The following ZNF808 variants were observed in gnomAD, a reference collection of about 807,000 sequenced individuals.
ZNF808 encodes the protein zinc finger protein 808.
A neutral mutation model predicts 8.7 loss-of-function variants in ZNF808; 5 were observed. The observed-to-expected ratio is 0.58, with a 90% CI of 0.30 to 1.21. ZNF808 has a LOEUF of 1.21. Ranked by LOEUF, ZNF808 falls within the 50% of genes most tolerant of loss-of-function variation. ZNF808 has a pLI of 0.07. For missense variants in ZNF808, 1,103 were observed against 1,098.4 expected, an observed-to-expected ratio of 1.00 and a Z score of -0.06; for synonymous variants, 380 against 366.0, an observed-to-expected ratio of 1.04 and a Z score of -0.44.
chr19:52,547,509 T>C lies in ZNF808; in HGVS notation c.64-3T>C, dbSNP rs1287981013. ...TTTTGTTGAAATGTATGTTTCATTT[T>C]AGGGACGCTTGACTTTCAGGGATGT... On this transcript the variant is annotated splice_region_variant and splice_polypyrimidine_tract_variant and intron_variant, in intron 3 of 4. Transcript: ENST00000359798. 2 of 1,613,738 alleles carry C rather than the reference T, an allele frequency of 1.2e-6. No individual in the cohort carries two copies. Among genetic ancestry groups the C allele is most frequent in the Admixed American group, 1.7e-5 (1 of 59,902 alleles).
At position 52,555,822 on chromosome 19, in the gene ZNF808, G is replaced by T. The variant is rs1277808319; in HGVS notation, c.*194G>T. 3 of 864,246 alleles carry T rather than the reference G, an allele frequency of 3.5e-6. No homozygotes were observed. In the Admixed American group the frequency reaches 5.9e-5, roughly 17 times the overall value. The allele number at this position is 864,246 out of a possible 1,614,324, so 53.5% of individuals were successfully genotyped here. ...TGTCATGATTGAGGCAAGGTCTTCA[G>T]TCAAGCTTCATCCTATGCAAAACAG... On this transcript the variant is annotated 3_prime_UTR_variant, in exon 5 of 5. Transcript: ENST00000359798.
At chr19:52,551,785 T>C (rs1238837617) in intron 4 of ZNF808, among the ~76,000 whole-genome samples, 1 of 134,390 alleles carries the variant, frequency 7.4e-6, no homozygotes, top group Admixed American at 7.4e-5. Context: ...GGTGGATTAC[T>C]TAAGGTCAGG....
At chr19:52,549,406 G>C (rs529230037) in intron 4 of ZNF808, among the ~76,000 whole-genome samples, 31 of 152,216 alleles carry the variant, frequency 2.0e-4, no homozygotes, top group African/African-American at 6.7e-4. Flanking sequence ...ATCTACACAG[G>C]GGATATTGTT....
intron 2 of ZNF808, among the ~76,000 whole-genome samples, chr19:52,541,046 G>C (rs1364666481): frequency 1.3e-5 from 2 of 152,060 alleles, no homozygotes; most frequent in African/African-American, 4.8e-5. Context: ...CTACCTCCTG[G>C]GTTCAAGCAA....
intron 2 of ZNF808, among the ~76,000 whole-genome samples, chr19:52,535,300 C>T (rs915868397): frequency 7.4e-6 from 1 of 135,976 alleles, no homozygotes; most frequent in African/African-American, 2.8e-5. Flanking sequence ...CACTGCACTC[C>T]AGCCTGGGTG....
At chr19:52,561,158 T>TTCTTTC (rs1320869032), downstream of ZNF808, among the ~76,000 whole-genome samples, 5 of 52,692 alleles carry the variant, frequency 9.5e-5, no homozygotes, top group African/African-American at 6.1e-4. Flanking sequence ...CTTCTATCTG[T>TTCTTTC]TCTCTCTCTC....
intron 2 of ZNF808, among the ~76,000 whole-genome samples, chr19:52,538,269 G>A (rs1568480847): frequency 7.0e-6 from 1 of 142,590 alleles, no homozygotes; most frequent in Non-Finnish European, 1.5e-5. Context: ...AGGTTCCCCC[G>A]TCTTGGCCTT....
At chr19:52,530,897 C>T (rs541608727) in intron 1 of ZNF808, among the ~76,000 whole-genome samples, 30 of 151,594 alleles carry the variant, frequency 2.0e-4, no homozygotes, top group Admixed American at 1.8e-3. Context: ...TACTTGGACC[C>T]GGCTGGGAGG....
chr19:52,567,412 T>G (rs1254961207), downstream of ZNF808, among the ~76,000 whole-genome samples: 1 of 147,162 alleles, frequency 6.8e-6, no homozygotes, highest in Non-Finnish European at 1.5e-5. Context: ...TAACTGGTAG[T>G]TTTCTTTTTT....
In ZNF808 at chr19:52,555,036, A is replaced by G; in HGVS notation, c.2120A>G (p.Tyr707Cys). 6.2e-7 allele frequency: 1 copy of G among 1,614,072 alleles called. No individual in the cohort carries two copies. The highest frequency in any genetic ancestry group is 1.1e-5 in the South Asian group (1 of 91,074). The change falls in exon 5 of 5, where the codon TAC (tyrosine) becomes TGC (cysteine). Residue 707 changes from tyrosine to cysteine, a missense_variant. By Grantham distance (194) the Tyr-to-Cys change is radical. Transcript: ENST00000359798. ...HTRIHSGMKPYKCNECSKTFS... is the reference protein window; with the variant it reads ...HTRIHSGMKPCKCNECSKTFS... ...AGAATTCACAGTGGAATGAAACCTT[A>G]CAAGTGTAATGAGTGCAGCAAGACC...
intron 1 of ZNF808, among the ~76,000 whole-genome samples, chr19:52,531,614 A>G (rs79452611): frequency 0.018 from 2,785 of 152,266 alleles, 78 homozygotes; most frequent in African/African-American, 0.064. Context: ...AACTCTGAAC[A>G]TCGCTTTTGG....
At chr19:52,535,744 T>C (rs1009247302) in intron 2 of ZNF808, among the ~76,000 whole-genome samples, 1 of 152,216 alleles carries the variant, frequency 6.6e-6, no homozygotes. Context: ...TTTCACATTT[T>C]AGTTTGCATG....
intron 2 of ZNF808, among the ~76,000 whole-genome samples, chr19:52,533,414 C>T (rs1239455541): frequency 1.3e-5 from 2 of 151,750 alleles, no homozygotes; most frequent in Admixed American, 1.3e-4. Flanking sequence ...TTTGTAGAGA[C>T]GGGGTTTCAC....
intron 1 of ZNF808, among the ~76,000 whole-genome samples, chr19:52,532,128 G>A (rs1036276990): frequency 6.6e-6 from 1 of 152,150 alleles, no homozygotes; most frequent in Non-Finnish European, 1.5e-5. Context: ...TATATGATAT[G>A]TAATGGAACT....
In ZNF808 at chr19:52,555,950, G is replaced by A; in HGVS notation, c.*322G>A. On this transcript the variant is annotated 3_prime_UTR_variant, in exon 5 of 5. Coordinates refer to ENST00000359798, the MANE Select transcript of ZNF808 (RefSeq NM_001039886.4). Reference sequence around the variant, plus strand: ...GACATCAGAGAATCCATACTGGACAGAAATCTTGCAAATGTCATCAGTGTG... The same window carrying A: ...GACATCAGAGAATCCATACTGGACAAAAATCTTGCAAATGTCATCAGTGTG... The A allele has an allele frequency of 1.5e-6, 1 of 650,088 alleles. No homozygotes were observed. Among genetic ancestry groups the A allele is most frequent in the Non-Finnish European group, 2.9e-6 (1 of 339,686 alleles). The allele number at this position is 650,088 out of a possible 1,614,324, so 40.3% of individuals were successfully genotyped here.
At chr19:52,541,383 A>G (rs1300569371) in intron 2 of ZNF808, among the ~76,000 whole-genome samples, 4 of 151,744 alleles carry the variant, frequency 2.6e-5, no homozygotes, top group Non-Finnish European at 4.4e-5. Context: ...TGGTCTGGAA[A>G]TTTTCTAGAG....
At chr19:52,536,221 G>A (rs1001774799) in intron 2 of ZNF808, among the ~76,000 whole-genome samples, 24 of 152,304 alleles carry the variant, frequency 1.6e-4, no homozygotes, top group Non-Finnish European at 2.4e-4. Context: ...GTTTGAACTC[G>A]TCCGGAGGCT....
At chr19:52,558,092 T>TTA (rs2059844579), downstream of ZNF808, among the ~76,000 whole-genome samples, 1 of 147,584 alleles carries the variant, frequency 6.8e-6, no homozygotes, top group South Asian at 2.1e-4. Flanking sequence ...TCTTTCTTTT[T>TTA]TTTTTTTTTT....
intron 2 of ZNF808, chr19:52,535,848 G>C (rs2059604216): frequency 6.6e-6 from 1 of 152,262 alleles, no homozygotes; most frequent in African/African-American, 2.4e-5. Context: ...CGCTGGGTGC[G>C]AGGCGGAGGG....
Sources: gnomAD v4.1 joint callset for allele counts (sites outside exome capture counted in the v4.1 genomes callset) on GRCh38, gnomAD v4.1.1 for gene constraint, MANE v1.5 for transcripts, NCBI Gene and HGNC (gene_info 2026-07-23, HGNC 2026-07-21) for gene names.